MYO5B: variants seen among roughly 807,000 people sequenced by gnomAD.
The protein encoded by MYO5B is unconventional myosin-Vb.
MYO5B carries 143 observed loss-of-function variants against 229.3 expected under a neutral mutation model. The ratio of observed to expected loss-of-function variants is 0.62; its 90% CI spans 0.54 to 0.72. MYO5B has a LOEUF of 0.72. Among genes scored for constraint, MYO5B ranks in the 30% least tolerant of loss-of-function variants. The pLI, the probability that MYO5B is intolerant of heterozygous loss-of-function variation, is 0.00. For missense variants in MYO5B, 2,321 were observed against 2,331.0 expected, an observed-to-expected ratio of 1.00 and a Z score of 0.09; for synonymous variants, 918 against 885.2, an observed-to-expected ratio of 1.04 and a Z score of -0.66.
At chr18:49,956,620 C>T (rs1192333244) in intron 12 of MYO5B, among the ~76,000 whole-genome samples, 3 of 152,152 alleles carry the variant, frequency 2.0e-5, no homozygotes, top group Admixed American at 6.5e-5. Context: ...TCATGGATAT[C>T]GGTAGCTCCA....
chr18:50,121,403 C>T (rs1286494420), intron 1 of MYO5B, among the ~76,000 whole-genome samples: 1 of 152,166 alleles, frequency 6.6e-6, no homozygotes. Context: ...AGTAAAATTC[C>T]AAGTCTTGTG....
At chr18:50,097,224 A>T (rs1321480852) in intron 1 of MYO5B, 2 of 456,326 alleles carry the variant, frequency 4.4e-6, no homozygotes, top group Non-Finnish European at 8.8e-6. Flanking sequence ...CCACCTCCGC[A>T]TCCCTAGAAT....
intron 4 of MYO5B, among the ~76,000 whole-genome samples, chr18:50,010,168 A>T (rs1238345151): frequency 1.3e-5 from 2 of 152,256 alleles, no homozygotes; most frequent in Non-Finnish European, 2.9e-5. Flanking sequence ...TGTAAGAGAT[A>T]AGTACTTAGT....
At chr18:50,068,193 GC>G (rs1053712208) in intron 1 of MYO5B, among the ~76,000 whole-genome samples, 6 of 152,164 alleles carry the variant, frequency 3.9e-5, no homozygotes, top group African/African-American at 1.2e-4. Context: ...AGCCAATAAA[GC>G]TTTTGTCAAA....
At chr18:50,057,326 C>T (rs2030574542) in intron 1 of MYO5B, among the ~76,000 whole-genome samples, 1 of 152,202 alleles carries the variant, frequency 6.6e-6, no homozygotes, top group Admixed American at 6.5e-5. Context: ...CCCCCTTCAG[C>T]CAGCATACCC....
intron 2 of MYO5B, among the ~76,000 whole-genome samples, chr18:50,051,434 T>A (rs1223487341): frequency 6.6e-6 from 1 of 152,070 alleles, no homozygotes; most frequent in African/African-American, 2.4e-5. Context: ...AAATTTAAAT[T>A]AAAAACCATG....
intron 1 of MYO5B, among the ~76,000 whole-genome samples, chr18:50,184,525 GA>G (rs2033119766): frequency 6.6e-6 from 1 of 152,176 alleles, no homozygotes; most frequent in Non-Finnish European, 1.5e-5. Flanking sequence ...GCAGCTTTGG[GA>G]AAGTCACATA....
chr18:49,836,800 G>A lies in MYO5B; in HGVS notation c.5224C>T (p.Gln1742Ter). 1 of 1,614,192 alleles carries A rather than the reference G, an allele frequency of 6.2e-7. No individual in the cohort carries two copies. Among genetic ancestry groups the A allele is most frequent in the Admixed American group, 1.7e-5 (1 of 60,024 alleles). ...GAVQTMEPLI[Q>*]AAQLLQLKKK... ...TTTAATTGCAGGAGCTGGGCTGCTT[G>A]GATCAGAGGTTCCATGGTCTGAACT... is the stretch of plus-strand genomic sequence containing the variant. Residue 1742 changes from glutamine to a stop codon, truncating the protein, a stop_gained, in exon 38 of 40, where the codon CAA (glutamine) becomes TAA (stop). Transcript: ENST00000285039. LOFTEE classifies it high-confidence loss of function.
chr18:50,192,763 T>C (rs1705493), intron 1 of MYO5B, among the ~76,000 whole-genome samples: 45,341 of 152,106 alleles, frequency 0.3, 6,915 homozygotes, highest in South Asian at 0.38. Flanking sequence ...CAGTTAATAA[T>C]GTAAAAGAGA....
intron 21 of MYO5B, among the ~76,000 whole-genome samples, chr18:49,898,979 G>T (rs762112280): frequency 3.3e-5 from 5 of 152,156 alleles, no homozygotes; most frequent in Non-Finnish European, 5.9e-5. Flanking sequence ...GTGAATTTTT[G>T]AGCTAGATGT....
chr18:50,108,933 C>T (rs7235033), intron 1 of MYO5B, among the ~76,000 whole-genome samples: 1 of 152,124 alleles, frequency 6.6e-6, no homozygotes, highest in Non-Finnish European at 1.5e-5. Flanking sequence ...ATACAGTTCA[C>T]CTGGCTTTGA....
Position 49,823,858 on chromosome 18 carries a change from G to C in MYO5B, c.*2613C>G, listed in dbSNP as rs1486617339. 1 of 152,520 alleles carries C rather than the reference G, an allele frequency of 6.6e-6. No individual in the cohort carries two copies. Among genetic ancestry groups the C allele is most frequent in the African/African-American group, 2.4e-5 (1 of 41,408 alleles). 9.4% of individuals were successfully genotyped at this position (152,520 alleles called of 1,614,324 possible). ...GTATAATACTTAAAACACAAGTTTT[G>C]ATCTATAAATATTTGATTCTTAATA... On this transcript the variant is annotated 3_prime_UTR_variant, in exon 40 of 40. Coordinates refer to ENST00000285039, the MANE Select transcript of MYO5B (RefSeq NM_001080467.3).
At chr18:50,025,622 G>C (rs953008989) in intron 4 of MYO5B, among the ~76,000 whole-genome samples, 5 of 152,212 alleles carry the variant, frequency 3.3e-5, no homozygotes, top group African/African-American at 1.2e-4. Context: ...GAATCAAAGA[G>C]CTACTAGACA....
rs2024082075 is a variant in MYO5B, at chr18:49,843,234, T to G, written c.4611+7A>C. The G allele has an allele frequency of 6.2e-7, 1 of 1,613,778 alleles. No individual in the cohort carries two copies. Among genetic ancestry groups the G allele is most frequent in the Non-Finnish European group, 8.5e-7 (1 of 1,180,022 alleles). ...ACAAACCATGACCTTCTGCAGGGGC[T>G]GCTTACTTTCAGGACTTTCTTAATG... On this transcript the variant is annotated splice_region_variant and intron_variant, in intron 34 of 39. Coordinates refer to ENST00000285039, the MANE Select transcript of MYO5B (RefSeq NM_001080467.3).
chr18:50,172,299 A>G (rs1198311942), intron 1 of MYO5B, among the ~76,000 whole-genome samples: 2 of 151,804 alleles, frequency 1.3e-5, no homozygotes, highest in African/African-American at 2.4e-5. Context: ...AAAAAAAAAA[A>G]AAAAAAAAGG....
chr18:50,064,520 T>G (rs2721088), intron 1 of MYO5B: 2 of 152,054 alleles, frequency 1.3e-5, no homozygotes, highest in Admixed American at 6.6e-5. Context: ...TACTATCATA[T>G]TAAAAATCTT....
chr18:49,830,016 T>G (rs2023894837), intron 39 of MYO5B, among the ~76,000 whole-genome samples: 1 of 152,196 alleles, frequency 6.6e-6, no homozygotes, highest in Non-Finnish European at 1.5e-5. Context: ...TAAGGATGCC[T>G]GTTCTTACCA....
intron 2 of MYO5B, among the ~76,000 whole-genome samples, chr18:50,042,452 A>G (rs577961632): frequency 3.7e-4 from 56 of 152,184 alleles, no homozygotes; most frequent in African/African-American, 1.2e-3. Flanking sequence ...TTTTTTCTTT[A>G]TATTAATGAA....
chr18:49,906,299 A>G, intron 19 of MYO5B, 120 bp downstream of exon 19: 1 of 977,818 alleles, frequency 1.0e-6, no homozygotes, highest in Non-Finnish European at 1.6e-6. Context: ...AGATGCAGAC[A>G]TGGCCCCAAC....
Sources: allele counts gnomAD v4.1 joint callset (sites outside exome capture counted in the v4.1 genomes callset), GRCh38; gene constraint gnomAD v4.1.1; transcripts MANE v1.5; gene names NCBI Gene and HGNC (gene_info 2026-07-23, HGNC 2026-07-21).